Variants in TCF20 observed in about 807,000 individuals in gnomAD.
TCF20 encodes SPRE-binding protein.
In TCF20, 3 loss-of-function variants were observed where a neutral mutation model predicts 148.6. The observed-to-expected ratio is 0.02, with a 90% CI of 0.01 to 0.05. The LOEUF is 0.05. Ranked by LOEUF, TCF20 falls within the 10% of genes least tolerant of loss-of-function variation. TCF20 has a pLI of 1.00. For missense variants in TCF20, 2,350 were observed against 2,429.3 expected, an observed-to-expected ratio of 0.97 and a Z score of 0.69; for synonymous variants, 1,049 against 909.5, an observed-to-expected ratio of 1.15 and a Z score of -2.76.
At chr22:42,168,759 GAGAC>G in intron 4 of TCF20, 23 bp from the exon 5 acceptor site, 3 of 1,598,224 alleles carry the variant, frequency 1.9e-6, no homozygotes, top group Non-Finnish European at 2.6e-6. Flanking sequence ...AAACCAAGAG[GAGAC>G]AGACAGGTGG....
chr22:42,286,486 A>G (rs1340191143), upstream of TCF20, among the ~76,000 whole-genome samples: 3 of 152,198 alleles, frequency 2.0e-5, no homozygotes, highest in East Asian at 1.9e-4. Flanking sequence ...TAAGAATAGG[A>G]CCTACCTTAT....
rs527483085 is a variant in TCF20 at position 42,212,872 on chromosome 22, A to T, written c.2434T>A (p.Leu812Ile). The part of the protein sequence containing the change: ...GLLNKSIGSL[L>I]ENPHWGPWER... Reference sequence around the variant, plus strand: ...CAGGGGCCCCAGTGGGGATTTTCTAATAGAGACCCAATGCTTTTGTTCAGA... The same window carrying T: ...CAGGGGCCCCAGTGGGGATTTTCTATTAGAGACCCAATGCTTTTGTTCAGA... Residue 812 changes from leucine (L) to isoleucine (I), a missense_variant, in exon 2 of 6, where the codon TTA becomes ATA. By Grantham distance (5) the Leu-to-Ile change is conservative. This residue lies in a region of TCF20 where 1,641 missense variants were observed against 1,662.6 expected (regional missense o/e 0.99). Transcript: ENST00000677622. The T allele has an allele frequency of 6.2e-7, 1 of 1,614,144 alleles. No homozygotes were observed. The highest frequency in any genetic ancestry group is 1.1e-5 in the South Asian group (1 of 91,086).
chr22:42,203,951 A>C (rs1938213692), intron 2 of TCF20, among the ~76,000 whole-genome samples: 1 of 152,228 alleles, frequency 6.6e-6, no homozygotes, highest in Non-Finnish European at 1.5e-5. Context: ...TTCAAGGAAC[A>C]TATAGTTGAG....
Position 42,168,695 on chromosome 22 carries a change from G to T in TCF20, c.5841C>A (p.Thr1947=). 6.2e-7 allele frequency: 1 copy of T among 1,610,968 alleles called. No homozygotes were observed. Among genetic ancestry groups the T allele is most frequent in the Non-Finnish European group, 8.5e-7 (1 of 1,178,906 alleles). Reference sequence around the variant, plus strand: ...GCTCTGTGCTGAGGCTGCCTTTCGCGGTCTTGTTCTGCAAGGGGGGGAGAG... The same window carrying T: ...GCTCTGTGCTGAGGCTGCCTTTCGCTGTCTTGTTCTGCAAGGGGGGGAGAG... ...PCPLPPLQNK[T]AKGSLSTEQS... Residue 1947 remains threonine (T), a synonymous_variant, in exon 5 of 6, where the codon ACC becomes ACA. Coordinates refer to ENST00000677622, the MANE Select transcript of TCF20 (RefSeq NM_001378418.1).
At chr22:42,163,701 G>A (rs1935602940) in intron 5 of TCF20, among the ~76,000 whole-genome samples, 1 of 152,162 alleles carries the variant, frequency 6.6e-6, no homozygotes, top group Non-Finnish European at 1.5e-5. Context: ...GCTGAGAGAC[G>A]GCTGGGTCCC....
chr22:42,341,613 A>G (rs1928170093), intron 1 of TCF20, among the ~76,000 whole-genome samples: 1 of 152,106 alleles, frequency 6.6e-6, no homozygotes, highest in African/African-American at 2.4e-5. Flanking sequence ...GTCAGCCTCA[A>G]GGGGATTCCG....
In TCF20 at chr22:42,211,592, T is replaced by G. The variant is rs1479310436; in HGVS notation, c.3714A>C (p.Arg1238Ser). 2.5e-6 allele frequency: 4 copies of G among 1,614,174 alleles called. No homozygotes were observed. The highest frequency in any genetic ancestry group is 3.4e-6 in the Non-Finnish European group (4 of 1,180,028). Residue 1238 changes from arginine (R) to serine (S), a missense_variant, in exon 2 of 6, where the codon AGA becomes AGC. Physicochemically the swap from Arg to Ser is moderately radical, Grantham distance 110 (BLOSUM62 -1). Around this residue, in one of 7 missense-constraint regions of TCF20, gnomAD observed 1,641 missense variants for 1,662.6 expected, o/e 0.99. Transcript: ENST00000677622. The stretch of plus-strand genomic sequence containing the variant: ...AAGAATGATCCTCCTGGCCTGGAAG[T>G]CTCAGCATAACACTACCAGGTTTGG... ...QSSKPGSVML[R>S]LPGQEDHSSQ...
intron 1 of TCF20, among the ~76,000 whole-genome samples, chr22:42,308,758 T>G (rs1382927162): frequency 6.6e-6 from 1 of 151,936 alleles, no homozygotes; most frequent in African/African-American, 2.4e-5. Flanking sequence ...GGGAGGGAGA[T>G]CCTCCCAGCT....
intron 3 of TCF20, among the ~76,000 whole-genome samples, chr22:42,173,048 A>G (rs1047357462): frequency 2.0e-5 from 3 of 152,062 alleles, no homozygotes; most frequent in African/African-American, 7.2e-5. Flanking sequence ...TCTGCAGCAG[A>G]GATAGCAGCT....
Position 42,210,537 on chromosome 22 carries a change from C to T in TCF20, c.4769G>A (p.Gly1590Glu), listed in dbSNP as rs775358914. 6.2e-7 allele frequency: 1 copy of T among 1,614,158 alleles called. No individual in the cohort carries two copies. Among genetic ancestry groups the T allele is most frequent in the Admixed American group, 1.7e-5 (1 of 60,022 alleles). ...QRQRRERRKP[G>E]AQPRKRKTKQ... ...GGTTTTTCGCTTCCTCGGCTGGGCC[C>T]CAGGCTTCCTTCTCTCCCTCCTTTG... The change falls in exon 2 of 6, where the codon GGG becomes GAG. Residue 1590 changes from glycine (G) to glutamate (E), a missense_variant. Coordinates refer to ENST00000677622, the MANE Select transcript of TCF20 (RefSeq NM_001378418.1). The surrounding 1 kb of genome is among the most constrained non-coding windows in gnomAD (Gnocchi z 4.7).
intron 3 of TCF20, among the ~76,000 whole-genome samples, chr22:42,177,896 TG>T (rs1936541554): frequency 6.6e-6 from 1 of 152,102 alleles, no homozygotes; most frequent in African/African-American, 2.4e-5. Context: ...GAGCACTTTT[TG>T]TTCTAAGGCT....
At position 42,231,117 on chromosome 22, in the gene TCF20, G is replaced by C. The variant is rs187413689; in HGVS notation, c.-36-15776C>G. On this transcript the variant is annotated intron_variant, in intron 1 of 5. Transcript: ENST00000677622. The stretch of plus-strand genomic sequence containing the variant: ...ATGGAGGCTGCAGTGAGCTGAGACT[G>C]CACCATTCCACTCCAACCTGGGCGA... Among the ~76,000 whole-genome samples, 398 of 152,106 alleles carry C rather than the reference G, an allele frequency of 2.6e-3. 2 individuals carry two copies. The highest frequency in any genetic ancestry group is 9.0e-3 in the African/African-American group (373 of 41,508).
intron 3 of TCF20, among the ~76,000 whole-genome samples, chr22:42,175,140 T>C (rs1203246527): frequency 2.6e-5 from 4 of 152,152 alleles, no homozygotes; most frequent in Non-Finnish European, 4.4e-5. Flanking sequence ...AACACAATAT[T>C]ACGATGTAAC....
At chr22:42,179,511 A>T in intron 3 of TCF20, 98 bp downstream of exon 3, 18 of 672,612 alleles carry the variant, frequency 2.7e-5, no homozygotes, top group Non-Finnish European at 4.1e-5. Context: ...AAAAAAAAAA[A>T]GAAAAGAAAA....
rs374553890 is a variant in TCF20 at position 42,168,721 on chromosome 22, G to C, written c.5815C>G (p.Pro1939Ala). The C allele has an allele frequency of 2.5e-6, 4 of 1,610,500 alleles. No homozygotes were observed. The South Asian group carries it at 3.3e-5, about 13-fold the overall frequency. ...CPKHKPPLPCPLPPLQNKTAK... is the reference protein window; with the variant it reads ...CPKHKPPLPCALPPLQNKTAK... ...GTCTTGTTCTGCAAGGGGGGGAGAGGGCACGGAAGGGGAGGCTGACACGGG... is the reference window on the plus strand; with the variant it reads ...GTCTTGTTCTGCAAGGGGGGGAGAGCGCACGGAAGGGGAGGCTGACACGGG... Residue 1939 changes from proline to alanine, a missense_variant, in exon 5 of 6, where the codon CCT becomes GCT. Coordinates refer to ENST00000677622, the MANE Select transcript of TCF20 (RefSeq NM_001378418.1).
chr22:42,169,823 T>C (rs769376028), intron 4 of TCF20, 24 bp downstream of exon 4: 13 of 1,612,996 alleles, frequency 8.1e-6, no homozygotes, highest in Admixed American at 6.7e-5. Context: ...TCCCTGCTGG[T>C]AGCTCTTGGG....
intron 1 of TCF20, among the ~76,000 whole-genome samples, chr22:42,334,144 C>T (rs1222226184): frequency 6.6e-6 from 1 of 152,242 alleles, no homozygotes; most frequent in East Asian, 1.9e-4. Flanking sequence ...ACCCTCCTCC[C>T]TGGGACCTTG....
intron 1 of TCF20, among the ~76,000 whole-genome samples, chr22:42,283,717 G>A (rs1926964015): frequency 6.6e-6 from 1 of 151,486 alleles, no homozygotes; most frequent in Non-Finnish European, 1.5e-5. Context: ...GCCCGCCCCC[G>A]GGGAGCCTCG....
intron 1 of TCF20, among the ~76,000 whole-genome samples, chr22:42,216,014 A>T (rs1370922886): frequency 6.7e-6 from 1 of 148,908 alleles, no homozygotes; most frequent in African/African-American, 2.5e-5. Context: ...AATGAAAAAC[A>T]GCAATTTTTC....
Sources: allele counts gnomAD v4.1 joint callset (sites outside exome capture counted in the v4.1 genomes callset), GRCh38; gene constraint gnomAD v4.1.1; regional missense constraint gnomAD v4.1.1; non-coding constraint Gnocchi (gnomAD v3.1); transcripts MANE v1.5; gene names NCBI Gene and HGNC (gene_info 2026-07-23, HGNC 2026-07-21).